Variants in HNMT observed in about 807,000 individuals in gnomAD.
HNMT encodes the protein histamine N-methyltransferase.
In HNMT, 30 loss-of-function variants were observed where a neutral mutation model predicts 32.1. The ratio of observed to expected loss-of-function variants is 0.93; its 90% CI spans 0.70 to 1.27. HNMT has a LOEUF of 1.27. Among genes scored for constraint, HNMT ranks in the 50% most tolerant of loss-of-function variants. The probability of loss-of-function intolerance (pLI) is 0.00; values close to 1 mark genes in which losing one functional copy is unlikely to be tolerated. For synonymous variants in HNMT, 125 were observed against 119.0 expected, an observed-to-expected ratio of 1.05 and a Z score of -0.33; for missense variants, 327 against 346.0, an observed-to-expected ratio of 0.95 and a Z score of 0.43.
At chr2:137,970,695 C>T (rs970523294) in intron 2 of HNMT, among the ~76,000 whole-genome samples, 6 of 151,752 alleles carry the variant, frequency 4.0e-5, no homozygotes, top group Non-Finnish European at 7.4e-5. Context: ...CTGAGGGGGG[C>T]GGATCACGAG....
At chr2:137,971,526 G>A (rs1573642460) in intron 2 of HNMT, among the ~76,000 whole-genome samples, 1 of 152,124 alleles carries the variant, frequency 6.6e-6, no homozygotes, top group South Asian at 2.1e-4. Context: ...TTTAGATCCA[G>A]TGCTTTCATT....
intron 5 of HNMT, among the ~76,000 whole-genome samples, chr2:138,010,875 G>A (rs1322059821): frequency 1.3e-5 from 2 of 152,004 alleles, no homozygotes; most frequent in African/African-American, 4.8e-5. Context: ...AGCATCAATT[G>A]GGAGGGTTGC....
intron 5 of HNMT, among the ~76,000 whole-genome samples, chr2:138,011,871 ACCC>A (rs1176410537): frequency 6.6e-6 from 1 of 152,056 alleles, no homozygotes; most frequent in East Asian, 1.9e-4. Context: ...TTATATTATC[ACCC>A]CTGTTTTACA....
intron 2 of HNMT, among the ~76,000 whole-genome samples, chr2:137,984,896 A>C (rs1680606784): frequency 6.6e-6 from 1 of 152,154 alleles, no homozygotes; most frequent in Admixed American, 6.5e-5. Flanking sequence ...ACCCTATGAA[A>C]AGCATGCAGA....
At position 138,015,195 on chromosome 2, in the gene HNMT, A is replaced by G. The variant is rs1186845272; in HGVS notation, c.*1065A>G. ...TTTGAAAACAAATTTGATGTTTCTT[A>G]TTTTTAATAATAACGCTCTGTTATT... On this transcript the variant is annotated 3_prime_UTR_variant, in exon 6 of 6. Coordinates refer to ENST00000280097, the MANE Select transcript of HNMT (RefSeq NM_006895.3). The G allele has an allele frequency of 6.6e-6, 1 of 152,078 alleles. No individual in the cohort carries two copies. The highest frequency in any genetic ancestry group is 1.5e-5 in the Non-Finnish European group (1 of 67,986). The allele number at this position is 152,078 out of a possible 1,614,324, so 9.4% of individuals were successfully genotyped here.
chr2:137,977,927 C>G (rs1394792525), intron 2 of HNMT, among the ~76,000 whole-genome samples: 3 of 152,022 alleles, frequency 2.0e-5, no homozygotes, highest in Non-Finnish European at 4.4e-5. Flanking sequence ...TGCCTCCCCA[C>G]CCCCCATCTC....
chr2:137,968,720 G>A (rs1376725206), intron 1 of HNMT, among the ~76,000 whole-genome samples: 2 of 152,076 alleles, frequency 1.3e-5, no homozygotes, highest in East Asian at 3.9e-4. Flanking sequence ...ATGAGTTGGA[G>A]GATAATTAGA....
chr2:138,006,390 T>C (rs1472293355), intron 5 of HNMT, among the ~76,000 whole-genome samples: 1 of 152,174 alleles, frequency 6.6e-6, no homozygotes, highest in East Asian at 1.9e-4. Context: ...TGAGAAGTCA[T>C]GTATTTTTTA....
In HNMT at chr2:137,965,516, G is replaced by A. The variant is rs145115612; in HGVS notation, c.137+888G>A. ...CCAGGGCAGTACCTATGTCTGACCA[G>A]AGCAGGCATTATTAGATGTACATAA... On this transcript the variant is annotated intron_variant, in intron 1 of 5. Transcript: ENST00000280097. Among the ~76,000 whole-genome samples the A allele has an allele frequency of 1.8e-3, 268 of 152,264 alleles. 3 individuals are homozygous for A. Among genetic ancestry groups the A allele is most frequent in the East Asian group, 7.7e-4 (4 of 5,188 alleles).
intron 5 of HNMT, among the ~76,000 whole-genome samples, chr2:138,010,635 A>G (rs1043440118): frequency 6.6e-6 from 1 of 152,074 alleles, no homozygotes. Flanking sequence ...ATGGAAATCA[A>G]CCTTTCCTCT....
intron 2 of HNMT, among the ~76,000 whole-genome samples, chr2:137,971,882 C>CTTTAGTTAT (rs1256030563): frequency 6.6e-6 from 1 of 151,916 alleles, no homozygotes; most frequent in African/African-American, 2.4e-5. Flanking sequence ...ATATATTTAT[C>CTTTAGTTAT]TTTAGTTATT....
chr2:137,986,275 A>G (rs1680650181), intron 2 of HNMT, among the ~76,000 whole-genome samples: 1 of 150,918 alleles, frequency 6.6e-6, no homozygotes, highest in Non-Finnish European at 1.5e-5. Flanking sequence ...TTATATATAT[A>G]TACCTTAATA....
At chr2:137,966,947 C>A in intron 1 of HNMT, 1 of 639,366 alleles carries the variant, frequency 1.6e-6, no homozygotes, top group Non-Finnish European at 2.8e-6. Context: ...TCTTTAAGAA[C>A]TTTAAGAGTG....
chr2:138,004,993 T>C (rs955943409), intron 4 of HNMT, 139 bp from the exon 5 acceptor site: 1 of 587,720 alleles, frequency 1.7e-6, no homozygotes, highest in African/African-American at 1.9e-5. Flanking sequence ...GCAACGTCTT[T>C]AATCTTTAAA....
intron 5 of HNMT, among the ~76,000 whole-genome samples, chr2:138,011,948 G>A (rs1377224053): frequency 1.3e-5 from 2 of 152,078 alleles, no homozygotes; most frequent in African/African-American, 4.8e-5. Context: ...TTCATACTCA[G>A]GCAGTTGGGT....
intron 2 of HNMT, among the ~76,000 whole-genome samples, chr2:137,990,773 C>G (rs1441616349): frequency 6.6e-6 from 1 of 151,962 alleles, no homozygotes; most frequent in Non-Finnish European, 1.5e-5. Context: ...GCTCTCACAC[C>G]ACAACAATCA....
At chr2:137,978,120 C>T (rs1680341982) in intron 2 of HNMT, among the ~76,000 whole-genome samples, 1 of 151,896 alleles carries the variant, frequency 6.6e-6, no homozygotes, top group African/African-American at 2.4e-5. Flanking sequence ...AGTCTTATTC[C>T]AATCATTAAT....
chr2:137,997,766 A>G (rs1476108887), intron 2 of HNMT, among the ~76,000 whole-genome samples: 1 of 152,230 alleles, frequency 6.6e-6, no homozygotes, highest in Non-Finnish European at 1.5e-5. Context: ...AAGTCATGGA[A>G]CCAACCCAAA....
chr2:137,966,300 T>C (rs1444900912), intron 1 of HNMT, among the ~76,000 whole-genome samples: 1 of 152,170 alleles, frequency 6.6e-6, no homozygotes, highest in Non-Finnish European at 1.5e-5. Flanking sequence ...ACCCACTCCA[T>C]TCTTGATTCC....
Sources: allele counts gnomAD v4.1 joint callset (sites outside exome capture counted in the v4.1 genomes callset), GRCh38; gene constraint gnomAD v4.1.1; transcripts MANE v1.5; gene names NCBI Gene and HGNC (gene_info 2026-07-23, HGNC 2026-07-21).